SLC71A1: variants seen among roughly 807,000 people sequenced by gnomAD.
The protein encoded by SLC71A1 is hippocampus abundant gene transcript 1.
the SLC71A1 span, chr1:100,083,264 T>C: frequency 6.6e-6 from 1 of 152,566 alleles, no homozygotes; most frequent in African/African-American, 2.4e-5. Context: ...TGTGTGGTTA[T>C]TGCTTAATGC....
At chr1:100,040,416 C>A in the SLC71A1 span, among the ~76,000 whole-genome samples, 1 of 152,134 alleles carries the variant, frequency 6.6e-6, no homozygotes, top group African/African-American at 2.4e-5. Context: ...AGTTGCTTAT[C>A]TACCTCTCTA....
At chr1:100,066,051 T>G in the SLC71A1 span, among the ~76,000 whole-genome samples, 8 of 152,212 alleles carry the variant, frequency 5.3e-5, no homozygotes, top group Non-Finnish European at 1.2e-4. Flanking sequence ...GCTAGAAATG[T>G]CTGCGGTTAA....
chr1:100,043,787 TG>T, the SLC71A1 span, among the ~76,000 whole-genome samples: 2 of 152,258 alleles, frequency 1.3e-5, no homozygotes, highest in African/African-American at 2.4e-5. Flanking sequence ...AACTCTCACT[TG>T]TAAGTGAGAA....
chr1:100,069,793 C>A, the SLC71A1 span: 1 of 748,260 alleles, frequency 1.3e-6, no homozygotes, highest in South Asian at 1.5e-5. Flanking sequence ...AGTCAGGAGT[C>A]TGAGGTTGAT....
the SLC71A1 span, among the ~76,000 whole-genome samples, chr1:100,045,218 T>C: frequency 6.6e-6 from 1 of 152,222 alleles, no homozygotes; most frequent in Non-Finnish European, 1.5e-5. Context: ...TTCACTTCCT[T>C]GGTTAAGTGT....
At chr1:100,065,744 C>T in the SLC71A1 span, among the ~76,000 whole-genome samples, 4 of 150,168 alleles carry the variant, frequency 2.7e-5, no homozygotes, top group Non-Finnish European at 1.5e-5. Context: ...TTCCCCTTTT[C>T]TCTTCCCCTT....
the SLC71A1 span, among the ~76,000 whole-genome samples, chr1:100,053,843 C>T: frequency 6.6e-6 from 1 of 152,070 alleles, no homozygotes; most frequent in Non-Finnish European, 1.5e-5. Context: ...GGATTTTGTA[C>T]TGACAAATAT....
the SLC71A1 span, among the ~76,000 whole-genome samples, chr1:100,044,187 A>G: frequency 2.6e-5 from 4 of 152,228 alleles, no homozygotes; most frequent in Non-Finnish European, 5.9e-5. Flanking sequence ...CAAAGTGTTC[A>G]TTTGTCACCA....
chr1:100,049,824 A>C, the SLC71A1 span: 1 of 681,868 alleles, frequency 1.5e-6, no homozygotes, highest in Non-Finnish European at 2.5e-6. Flanking sequence ...ATATTTGTTG[A>C]CTATTAACAT....
At chr1:100,048,704 G>A in the SLC71A1 span, among the ~76,000 whole-genome samples, 1 of 152,010 alleles carries the variant, frequency 6.6e-6, no homozygotes, top group Non-Finnish European at 1.5e-5. Flanking sequence ...GCGCTTCTTG[G>A]GGTTCTGTCT....
the SLC71A1 span, chr1:100,080,390 T>A: frequency 5.7e-6 from 5 of 881,306 alleles, no homozygotes; most frequent in Non-Finnish European, 9.0e-6. Flanking sequence ...TAGTGTCTGA[T>A]AAGAAGCTTG....
the SLC71A1 span, chr1:100,050,014 C>G: frequency 7.0e-7 from 1 of 1,424,000 alleles, no homozygotes; most frequent in Non-Finnish European, 9.8e-7. Context: ...GGTAAGTAAT[C>G]TTTTAAATTA....
At chr1:100,041,109 T>G in the SLC71A1 span, among the ~76,000 whole-genome samples, 1 of 152,258 alleles carries the variant, frequency 6.6e-6, no homozygotes, top group African/African-American at 2.4e-5. Context: ...TAAACAAAAC[T>G]AGTAAGAGTT....
At chr1:100,070,087 CA>C in the SLC71A1 span, among the ~76,000 whole-genome samples, 1 of 151,952 alleles carries the variant, frequency 6.6e-6, no homozygotes, top group South Asian at 2.1e-4. Flanking sequence ...TGGGATAAGA[CA>C]GAAAATAAAA....
the SLC71A1 span, among the ~76,000 whole-genome samples, chr1:100,078,133 T>A: frequency 4.6e-5 from 7 of 152,210 alleles, no homozygotes; most frequent in African/African-American, 1.7e-4. Context: ...TTTGATGATG[T>A]TTCGTCATCT....
At chr1:100,061,765 T>G in the SLC71A1 span, 3 of 989,306 alleles carry the variant, frequency 3.0e-6, no homozygotes, top group Non-Finnish European at 3.2e-6. Context: ...CTTAATTAAC[T>G]TATAAAAATG....
the SLC71A1 span, chr1:100,082,332 A>C: frequency 1.4e-6 from 1 of 740,152 alleles, no homozygotes; most frequent in Non-Finnish European, 2.2e-6. Flanking sequence ...ATGTATCTGC[A>C]TGAACTCCGT....
the SLC71A1 span, among the ~76,000 whole-genome samples, chr1:100,062,504 A>G: frequency 1.4e-4 from 22 of 152,222 alleles, no homozygotes; most frequent in African/African-American, 5.3e-4. Flanking sequence ...TGGCAGTATA[A>G]TGTGTCATCT....
chr1:100,052,498 C>T, the SLC71A1 span, among the ~76,000 whole-genome samples: 1 of 134,970 alleles, frequency 7.4e-6, no homozygotes. Flanking sequence ...GAGGCACGAT[C>T]TTGGCTCACT....
Sources: allele counts gnomAD v4.1 joint callset (sites outside exome capture counted in the v4.1 genomes callset), GRCh38; gene constraint gnomAD v4.1.1; transcripts MANE v1.5; gene names NCBI Gene and HGNC (gene_info 2026-07-23, HGNC 2026-07-21).